Variants in DNAH17 observed in about 807,000 individuals in gnomAD.
DNAH17 encodes axonemal beta dynein heavy chain 17.
A neutral mutation model predicts 485.6 loss-of-function variants in DNAH17; 376 were observed. That is an observed-to-expected ratio of 0.77 (90% confidence interval 0.71 to 0.84). DNAH17 has a LOEUF of 0.84. Among genes scored for constraint, DNAH17 ranks in the 40% least tolerant of loss-of-function variants. The pLI is 0.00. For synonymous variants in DNAH17, 3,031 were observed against 2,405.9 expected, an observed-to-expected ratio of 1.26 and a Z score of -7.60; for missense variants, 6,370 against 5,839.3, an observed-to-expected ratio of 1.09 and a Z score of -2.96.
intron 21 of DNAH17, 104 bp from the exon 22 acceptor site, chr17:78,529,798 G>T (rs1463115627): frequency 8.4e-7 from 1 of 1,188,744 alleles, no homozygotes. Flanking sequence ...AGGTCAACTG[G>T]CCATCACTGA....
At position 78,501,882 on chromosome 17, in the gene DNAH17, G is replaced by A. The variant is rs755205501; in HGVS notation, c.5191-9C>T. ...ACGTTCAGCTGGCTAATCTGCGGGG[G>A]AGAGTGCCTTCGATGAGACACCACG... On this transcript the variant is annotated splice_polypyrimidine_tract_variant and intron_variant, in intron 33 of 80. Coordinates refer to ENST00000389840, the MANE Select transcript of DNAH17 (RefSeq NM_173628.4). 6.2e-7 allele frequency: 1 copy of A among 1,613,914 alleles called. No individual in the cohort carries two copies. Among genetic ancestry groups the A allele is most frequent in the South Asian group, 1.1e-5 (1 of 91,074 alleles).
chr17:78,467,809 G>A (rs1280199327), intron 55 of DNAH17, among the ~76,000 whole-genome samples: 1 of 152,128 alleles, frequency 6.6e-6, no homozygotes, highest in African/African-American at 2.4e-5. Context: ...CCTGAGGTCA[G>A]GAGTTCAAGA....
At position 78,494,141 on chromosome 17, in the gene DNAH17, C is replaced by T. The variant is rs775194380; in HGVS notation, c.6303G>A (p.Leu2101=). 6.2e-6 allele frequency: 10 copies of T among 1,612,626 alleles called. No homozygotes were observed. The highest frequency in any genetic ancestry group is 1.3e-5 in the African/African-American group (1 of 74,930). Residue 2101 remains leucine, a synonymous_variant, in exon 41 of 81, where the codon CTG becomes CTA. Coordinates refer to ENST00000389840, the MANE Select transcript of DNAH17 (RefSeq NM_173628.4). ...TCAGCACGAAGCTGTCCTCCGCCTG[C>T]AGCTTGAGCTCCACGATGCTCTGCT... ...IIKQSIVELK[L]QAEDSFVLKV... is the part of the protein sequence containing the mutation.
chr17:78,537,549 G>T, intron 18 of DNAH17, 68 bp from the exon 19 acceptor site: 1 of 1,516,640 alleles, frequency 6.6e-7, no homozygotes, highest in South Asian at 1.2e-5. Flanking sequence ...TCAGTGCCCT[G>T]ATCATCCACT....
chr17:78,438,429 A>AGGAGGAGGAGGAGGGAGGAGGAGGAG (rs2086928712), intron 73 of DNAH17, among the ~76,000 whole-genome samples: 1 of 4,972 alleles, frequency 2.0e-4, no homozygotes, highest in Non-Finnish European at 3.8e-4. Context: ...GAGGAGAAGG[A>AGGAGGAGGAGGAGGGAGGAGGAGGAG]GGAGGAGGAG....
Position 78,425,534 on chromosome 17 carries a change from G to A in DNAH17, c.12953C>T (p.Thr4318Ile). 1 of 1,613,678 alleles carries A rather than the reference G, an allele frequency of 6.2e-7. No homozygotes were observed. The highest frequency in any genetic ancestry group is 1.1e-5 in the South Asian group (1 of 91,068). ...GAAGAAGCCGGCCAGCCACACGGTG[G>A]TGGGCAGGGCAAAGTCTGTCGTCCA... ...EAWTTDFALPTTVWLAGFFNP... is the reference protein window; with the variant it reads ...EAWTTDFALPITVWLAGFFNP... Residue 4318 changes from threonine (T) to isoleucine (I), a missense_variant, in exon 80 of 81, where the codon ACC becomes ATC. Coordinates refer to ENST00000389840, the MANE Select transcript of DNAH17 (RefSeq NM_173628.4).
chr17:78,509,714 G>A (rs5010160), intron 27 of DNAH17, among the ~76,000 whole-genome samples: 3 of 150,498 alleles, frequency 2.0e-5, no homozygotes, highest in Non-Finnish European at 3.0e-5. Context: ...CAACCCTCCC[G>A]TCAGCTGCGG....
Position 78,505,049 on chromosome 17 carries a change from G to A in DNAH17, c.4956+244C>T, listed in dbSNP as rs548710796. Among the ~76,000 whole-genome samples, 36 of 151,868 alleles carry A rather than the reference G, an allele frequency of 2.4e-4. No individual in the cohort carries two copies. The East Asian group carries it at 2.7e-3, about 11-fold the overall frequency. ...GCCTCCCGAACAGGGCTTTTCTCCC[G>A]TCCTTTCCCCTCCCCTTTCTCCCTA... On this transcript the variant is annotated intron_variant, in intron 31 of 80. Transcript: ENST00000389840.
chr17:78,507,902 T>G, intron 27 of DNAH17, 97 bp from the exon 28 acceptor site: 1 of 1,219,238 alleles, frequency 8.2e-7, no homozygotes, highest in Non-Finnish European at 1.1e-6. Flanking sequence ...AGCTCCATGA[T>G]CAGAAAGCAA....
In DNAH17 at chr17:78,428,686, C is replaced by T. The variant is rs551866873; in HGVS notation, c.12427G>A (p.Glu4143Lys). 159 of 1,613,914 alleles carry T rather than the reference C, an allele frequency of 9.9e-5. 2 individuals are homozygous for T. The South Asian group carries it at 1.7e-3, about 17-fold the overall frequency. Residue 4143 changes from glutamate to lysine, a missense_variant, in exon 77 of 81, where the codon GAG becomes AAG. Transcript: ENST00000389840. ...TAGGGACTCTCAGGGGGCAGGTTCT[C>T]ATCGATGTATTCGTGGTAACCCTGA... ...DYKGYHEYID[E>K]NLPPESPYLY... is the part of the protein sequence containing the mutation.
At chr17:78,474,284 C>A (rs2088906852) in intron 54 of DNAH17, among the ~76,000 whole-genome samples, 1 of 152,234 alleles carries the variant, frequency 6.6e-6, no homozygotes, top group Admixed American at 6.5e-5. Flanking sequence ...CCCCAGCACA[C>A]AGAGAAGGCA....
At chr17:78,444,449 C>T (rs966234773) in intron 71 of DNAH17, among the ~76,000 whole-genome samples, 155 bp downstream of exon 71, 1 of 152,222 alleles carries the variant, frequency 6.6e-6, no homozygotes, top group African/African-American at 2.4e-5. Context: ...TGATTTACCC[C>T]TCTAAGCCCT....
At position 78,484,950 on chromosome 17, in the gene DNAH17, C is replaced by T; in HGVS notation, c.7567G>A (p.Asp2523Asn). 1.9e-6 allele frequency: 3 copies of T among 1,612,352 alleles called. No individual in the cohort carries two copies. Among genetic ancestry groups the T allele is most frequent in the Non-Finnish European group, 8.5e-7 (1 of 1,179,162 alleles). The change falls in exon 48 of 81, where the codon GAC (aspartate) becomes AAC (asparagine). Residue 2523 changes from aspartate to asparagine, a missense_variant. Physicochemically the swap from Asp to Asn is conservative, Grantham distance 23. Transcript: ENST00000389840. ...GTKKLVYFID[D>N]MNMPEVDKYG... ...TTGTCCACCTCGGGCATGTTCATGTCGTCGATGAAGTAGACGAGCTTCTTA... is the reference window on the plus strand; with the variant it reads ...TTGTCCACCTCGGGCATGTTCATGTTGTCGATGAAGTAGACGAGCTTCTTA...
At chr17:78,459,580 G>A (rs2087992098) in intron 60 of DNAH17, among the ~76,000 whole-genome samples, 1 of 152,192 alleles carries the variant, frequency 6.6e-6, no homozygotes, top group African/African-American at 2.4e-5. Context: ...GGCCTGGCTG[G>A]CCTCTCTCTC....
chr17:78,537,563 T>A (rs2091412279), intron 18 of DNAH17, 82 bp from the exon 19 acceptor site: 2 of 1,445,926 alleles, frequency 1.4e-6, no homozygotes, highest in African/African-American at 2.8e-5. Context: ...ATCCACTCCG[T>A]ACCATCAATG....
At chr17:78,458,905 C>T (rs1222205475) in intron 61 of DNAH17, 96 bp downstream of exon 61, 41 of 1,341,954 alleles carry the variant, frequency 3.1e-5, no homozygotes, top group Non-Finnish European at 4.1e-5. Flanking sequence ...TTCATGACGG[C>T]GGGCCGTGCC....
intron 74 of DNAH17, 29 bp downstream of exon 74, chr17:78,437,612 G>T: frequency 1.3e-6 from 2 of 1,561,446 alleles, no homozygotes; most frequent in Non-Finnish European, 1.7e-6. Context: ...CATGGGATGG[G>T]GAGGCAGCCC....
intron 25 of DNAH17, 58 bp downstream of exon 25, chr17:78,524,951 C>G: frequency 3.2e-6 from 5 of 1,552,672 alleles, no homozygotes; most frequent in South Asian, 2.4e-5. Flanking sequence ...CTCTTGTTGC[C>G]GGGGGCAGCT....
rs372000332 is a variant in DNAH17 at position 78,499,349 on chromosome 17, G to A, written c.5641-237C>T. ...TTTCACCCTTGCCTCCCAGACCCCA[G>A]GATGGGGACTTCCTGGAGTCCCTAA... is the stretch of plus-strand genomic sequence containing the variant. On this transcript the variant is annotated intron_variant, in intron 36 of 80. Transcript: ENST00000389840. 6 of 371,520 alleles carry A rather than the reference G, an allele frequency of 1.6e-5. No homozygotes were observed. The East Asian group carries it at 1.7e-4, about 10-fold the overall frequency. 23.0% of individuals were successfully genotyped at this position (371,520 alleles called of 1,614,324 possible).
Sources: gnomAD v4.1 joint callset for allele counts (sites outside exome capture counted in the v4.1 genomes callset) on GRCh38, gnomAD v4.1.1 for gene constraint, MANE v1.5 for transcripts, NCBI Gene and HGNC (gene_info 2026-07-23, HGNC 2026-07-21) for gene names.